NKAIN3: variants seen among roughly 807,000 people sequenced by gnomAD.
The protein encoded by NKAIN3 is sodium/potassium-transporting ATPase subunit beta-1-interacting protein 3.
Under a neutral mutation model 30.2 loss-of-function variants are expected in NKAIN3, and 25 were observed. That is an observed-to-expected ratio of 0.83 (90% CI 0.60 to 1.16). NKAIN3 has a LOEUF of 1.16. Among genes scored for constraint, NKAIN3 ranks in the 50% most tolerant of loss-of-function variants. The pLI is 0.00. For missense variants in NKAIN3, 225 were observed against 254.1 expected, an observed-to-expected ratio of 0.89 and a Z score of 0.78; for synonymous variants, 91 against 89.6, an observed-to-expected ratio of 1.02 and a Z score of -0.09.
chr8:62,834,192 G>T (rs888731052), intron 4 of NKAIN3, among the ~76,000 whole-genome samples: 5 of 151,878 alleles, frequency 3.3e-5, no homozygotes, highest in African/African-American at 9.7e-5. Flanking sequence ...AGTAAGAACG[G>T]TCTAAGAGAA....
intron 4 of NKAIN3, among the ~76,000 whole-genome samples, chr8:62,871,885 T>A (rs4554461): frequency 0.69 from 105,377 of 152,184 alleles, 37,153 homozygotes; most frequent in African/African-American, 0.78. Flanking sequence ...AGGAAATTAA[T>A]AATACTTAAC....
rs112046667 is a variant in NKAIN3, at chr8:62,647,459, A to G, written c.273+57665A>G. ...GAGAATTCAACAGTATCTCTGATTA[A>G]GTGCTTTAAGTGCTGTGAGAACAAA... On this transcript the variant is annotated intron_variant, in intron 3 of 6. Transcript: ENST00000623646. Among the ~76,000 whole-genome samples the G allele has an allele frequency of 6.2e-3, 950 of 152,294 alleles. 8 individuals are homozygous for G. The highest frequency in any genetic ancestry group is 0.021 in the African/African-American group (869 of 41,576).
In NKAIN3 at chr8:62,754,799, T is replaced by C. The variant is rs764157748; in HGVS notation, c.471+7670T>C. ...AAGGTATCCTGTAGAATCTTTGTTC[T>C]CCAAAGGCTGTATAGCTATCTGTTC... is the stretch of plus-strand genomic sequence containing the variant. On this transcript the variant is annotated intron_variant, in intron 4 of 6. Coordinates refer to ENST00000623646, the MANE Select transcript of NKAIN3 (RefSeq NM_001304533.3). Among the ~76,000 whole-genome samples the C allele has an allele frequency of 3.9e-5, 6 of 152,284 alleles. No individual in the cohort carries two copies. In the South Asian group the frequency reaches 8.3e-4, roughly 21 times the overall value.
Position 62,702,239 on chromosome 8 carries a change from T to C in NKAIN3, c.274-44693T>C, listed in dbSNP as rs530057900. On this transcript the variant is annotated intron_variant, in intron 3 of 6. Coordinates refer to ENST00000623646, the MANE Select transcript of NKAIN3 (RefSeq NM_001304533.3). ...TCATTCGAAGAATTTGAGTATGTCATTCTCAATTTGAGTATGTCATGTGTA... is the reference window on the plus strand; with the variant it reads ...TCATTCGAAGAATTTGAGTATGTCACTCTCAATTTGAGTATGTCATGTGTA... Among the ~76,000 whole-genome samples the C allele has an allele frequency of 3.3e-5, 5 of 152,340 alleles. No homozygotes were observed. The East Asian group carries it at 9.6e-4, about 29-fold the overall frequency.
intron 4 of NKAIN3, among the ~76,000 whole-genome samples, chr8:62,907,951 C>T (rs541649413): frequency 3.4e-4 from 52 of 152,268 alleles, no homozygotes; most frequent in African/African-American, 1.2e-3. Flanking sequence ...CTTCAGACCC[C>T]AGAATGGTAG....
chr8:62,825,787 G>A (rs929319602), intron 4 of NKAIN3, among the ~76,000 whole-genome samples: 2 of 152,154 alleles, frequency 1.3e-5, no homozygotes, highest in African/African-American at 2.4e-5. Context: ...AGTATGGGGT[G>A]ACAGAGCTTG....
rs141298842 is a variant in NKAIN3, at chr8:62,287,315, C to T, written c.54+38188C>T. Among the ~76,000 whole-genome samples the T allele has an allele frequency of 4.6e-5, 7 of 151,988 alleles. No individual in the cohort carries two copies. In the East Asian group the frequency reaches 5.9e-4, roughly 13 times the overall value. On this transcript the variant is annotated intron_variant, in intron 1 of 6. Coordinates refer to ENST00000623646, the MANE Select transcript of NKAIN3 (RefSeq NM_001304533.3). ...AACATCATAATGATATTAGACTCAG[C>T]GTGATTTCATGCATTAATATGGAGT...
intron 5 of NKAIN3, among the ~76,000 whole-genome samples, chr8:62,996,335 T>TC (rs1441679464): frequency 6.6e-6 from 1 of 150,400 alleles, no homozygotes; most frequent in Non-Finnish European, 1.5e-5. Flanking sequence ...ACATGAGAGC[T>TC]CCCTCACTAT....
intron 1 of NKAIN3, among the ~76,000 whole-genome samples, chr8:62,534,084 T>A (rs1205398482): frequency 2.0e-5 from 3 of 151,974 alleles, no homozygotes. Context: ...ATTTTCTGAG[T>A]CTCTCTCTAT....
chr8:62,494,233 G>A (rs1307938392), intron 1 of NKAIN3, among the ~76,000 whole-genome samples: 1 of 152,096 alleles, frequency 6.6e-6, no homozygotes, highest in Non-Finnish European at 1.5e-5. Flanking sequence ...AACATGAAAT[G>A]ATGTTGAATT....
At chr8:62,420,409 T>C (rs531231482) in intron 1 of NKAIN3, among the ~76,000 whole-genome samples, 19 of 152,330 alleles carry the variant, frequency 1.2e-4, no homozygotes, top group African/African-American at 4.6e-4. Flanking sequence ...ATTCATTTTT[T>C]AAAATGTAAT....
chr8:62,838,885 A>G (rs1348226601), intron 4 of NKAIN3, among the ~76,000 whole-genome samples: 1 of 152,118 alleles, frequency 6.6e-6, no homozygotes, highest in Non-Finnish European at 1.5e-5. Context: ...TAAAAGAGTG[A>G]TTTTTTATTA....
chr8:62,471,714 G>A (rs997799373), intron 1 of NKAIN3, among the ~76,000 whole-genome samples: 6 of 152,080 alleles, frequency 3.9e-5, no homozygotes, highest in African/African-American at 1.4e-4. Context: ...CAGAACTTGG[G>A]GAGGCCAAGG....
At chr8:62,473,406 T>C (rs756492026) in intron 1 of NKAIN3, 1 of 152,118 alleles carries the variant, frequency 6.6e-6, no homozygotes, top group Non-Finnish European at 1.5e-5. Flanking sequence ...TTTCTTATAC[T>C]TGAACAAAGG....
chr8:62,678,310 A>T (rs1198591958), intron 3 of NKAIN3, among the ~76,000 whole-genome samples: 1 of 152,236 alleles, frequency 6.6e-6, no homozygotes, highest in East Asian at 1.9e-4. Flanking sequence ...TTGAAGGAAG[A>T]ATCTACTTCT....
intron 2 of NKAIN3, among the ~76,000 whole-genome samples, chr8:62,581,436 C>T (rs1033896353): frequency 6.6e-6 from 1 of 152,178 alleles, no homozygotes; most frequent in African/African-American, 2.4e-5. Context: ...TATAGGTAAA[C>T]ACCAGTGACA....
chr8:62,732,554 C>T (rs1815506565), intron 3 of NKAIN3, among the ~76,000 whole-genome samples: 1 of 92,730 alleles, frequency 1.1e-5, no homozygotes, highest in Non-Finnish European at 3.2e-5. Context: ...GTTCTAGCTG[C>T]ATGTATTAGA....
Position 62,984,260 on chromosome 8 carries a change from A to T in NKAIN3, c.*18853A>T, listed in dbSNP as rs1824152603. The T allele has an allele frequency of 6.6e-6, 1 of 152,244 alleles. No individual in the cohort carries two copies. The highest frequency in any genetic ancestry group is 6.5e-5 in the Admixed American group (1 of 15,284). 9.4% of individuals were successfully genotyped at this position (152,244 alleles called of 1,614,324 possible). On this transcript the variant is annotated 3_prime_UTR_variant, in exon 7 of 7. Coordinates refer to ENST00000623646, the MANE Select transcript of NKAIN3 (RefSeq NM_001304533.3). ...CTGCCATCTTATGGAAAATATTGGA[A>T]GTACCTAGGGCATTTCATTATATTT... is the stretch of plus-strand genomic sequence containing the variant.
chr8:62,713,451 T>C (rs1281462190), intron 3 of NKAIN3, among the ~76,000 whole-genome samples: 1 of 152,204 alleles, frequency 6.6e-6, no homozygotes, highest in Non-Finnish European at 1.5e-5. Context: ...ATAGATAACT[T>C]CATCAGTTTA....
Sources: gnomAD v4.1 joint callset for allele counts (sites outside exome capture counted in the v4.1 genomes callset) on GRCh38, gnomAD v4.1.1 for gene constraint, MANE v1.5 for transcripts, NCBI Gene and HGNC (gene_info 2026-07-23, HGNC 2026-07-21) for gene names.